The following EMSY variants were observed in gnomAD, a reference collection of about 807,000 sequenced individuals.
The protein encoded by EMSY is EMSY transcriptional repressor, BRCA2 interacting, also known as BRCA2-interacting transcriptional repressor EMSY.
Under a neutral mutation model 134.6 loss-of-function variants are expected in EMSY, and 26 were observed. The observed-to-expected ratio is 0.19, with a 90% CI of 0.14 to 0.27. The LOEUF (loss-of-function observed/expected upper bound fraction) is 0.27, where lower values mean the gene tolerates loss of function less well. Among genes scored for constraint, EMSY ranks in the 10% least tolerant of loss-of-function variants. The pLI, the probability that EMSY is intolerant of heterozygous loss-of-function variation, is 1.00. For synonymous variants in EMSY, 579 were observed against 577.8 expected (o/e 1.00, Z -0.03); for missense variants, 1,305 against 1,611.4 (o/e 0.81, Z 3.26).
At chr11:76,517,921 TC>T (rs1211370223) in intron 11 of EMSY, among the ~76,000 whole-genome samples, 3 of 151,974 alleles carry the variant, frequency 2.0e-5, no homozygotes, top group Non-Finnish European at 4.4e-5. Context: ...CCAAAGAACT[TC>T]TTCTGGTTGC....
chr11:76,499,582 C>T (rs139149848), intron 9 of EMSY, among the ~76,000 whole-genome samples: 22 of 152,096 alleles, frequency 1.4e-4, no homozygotes, highest in Middle Eastern at 3.4e-3. Flanking sequence ...CCACTGCGCC[C>T]GGCCCCAATC....
At chr11:76,533,754 A>T (rs534402993) in intron 14 of EMSY, among the ~76,000 whole-genome samples, 6 of 152,296 alleles carry the variant, frequency 3.9e-5, no homozygotes, top group African/African-American at 1.4e-4. Context: ...GCAGAAAGAC[A>T]TCTGAGGGAC....
At chr11:76,480,785 G>T (rs1254548888) in intron 8 of EMSY, among the ~76,000 whole-genome samples, 1 of 152,168 alleles carries the variant, frequency 6.6e-6, no homozygotes, top group Non-Finnish European at 1.5e-5. Flanking sequence ...AGCAGGGTGG[G>T]GTGTTGCCTC....
chr11:76,489,455 G>A (rs1949327333), intron 8 of EMSY, among the ~76,000 whole-genome samples: 1 of 151,212 alleles, frequency 6.6e-6, no homozygotes, highest in South Asian at 2.1e-4. Context: ...GGATTATTGT[G>A]TCTTCTTGAT....
In EMSY at chr11:76,514,670, A is replaced by G. The variant is rs139835180; in HGVS notation, c.1513+1135A>G. ...CTTAAGTACATTCACATTGTTGTAT[A>G]ACCATCAACACCATCTATCTCCAAA... On this transcript the variant is annotated intron_variant, in intron 10 of 20. Transcript: ENST00000334736. Among the ~76,000 whole-genome samples, 1,291 of 152,278 alleles carry G rather than the reference A, an allele frequency of 8.5e-3. 13 individuals carry two copies. The highest frequency in any genetic ancestry group is 0.017 in the Middle Eastern group (5 of 294).
chr11:76,512,467 G>T (rs1950311226), intron 9 of EMSY, among the ~76,000 whole-genome samples: 1 of 152,094 alleles, frequency 6.6e-6, no homozygotes. Flanking sequence ...TGCTGAAAAT[G>T]TCAAATCCTA....
At chr11:76,450,160 C>T (rs117935924) in intron 2 of EMSY, among the ~76,000 whole-genome samples, 2,250 of 151,928 alleles carry the variant, frequency 0.015, 19 homozygotes, top group Non-Finnish European at 0.024. Context: ...CACTTAACTC[C>T]CTGAGGGCAG....
intron 20 of EMSY, chr11:76,547,141 A>G (rs1951682736): frequency 2.2e-6 from 1 of 444,750 alleles, no homozygotes; most frequent in Non-Finnish European, 4.5e-6. Flanking sequence ...TCTTTGCTAA[A>G]CAGATATATA....
chr11:76,542,281 C>T lies in EMSY; in HGVS notation c.2623C>T (p.Gln875Ter), dbSNP rs1951466754. The T allele has an allele frequency of 6.2e-7, 1 of 1,614,088 alleles. No individual in the cohort carries two copies. Among genetic ancestry groups the T allele is most frequent in the Non-Finnish European group, 8.5e-7 (1 of 1,180,006 alleles). The change falls in exon 18 of 21, where the codon CAG becomes TAG. Residue 875 changes from glutamine to a stop codon, truncating the protein, a stop_gained. Coordinates refer to ENST00000334736, the Ensembl canonical transcript of EMSY. LOFTEE classifies it high-confidence loss of function. ...GCGGACCCTGCTCCAGCATGTGGCT[C>T]AGTCACAGACCGCAACACAGACTTC...
At chr11:76,465,371 G>A (rs566192062) in intron 7 of EMSY, among the ~76,000 whole-genome samples, 1 of 151,958 alleles carries the variant, frequency 6.6e-6, no homozygotes, top group Admixed American at 6.6e-5. Context: ...CTCTCTACCC[G>A]AGTTTTCTCG....
In EMSY at chr11:76,463,744, A is replaced by G. The variant is rs1343900652; in HGVS notation, c.572-77A>G. The G allele has an allele frequency of 4.7e-6, 7 of 1,478,276 alleles. No individual in the cohort carries two copies. In the African/African-American group the frequency reaches 5.6e-5, roughly 12 times the overall value. The allele number at this position is 1,478,276 out of a possible 1,614,324, so 91.6% of individuals were successfully genotyped here. A position where few individuals can be genotyped will look rare whatever the true frequency, so the allele number is the denominator to read the frequency against. Reference sequence around the variant, plus strand: ...AAGACAGAGAGAGGACAAGGATGATATAAAGATTTTAAAAATAAAGTGTAT... The same window carrying G: ...AAGACAGAGAGAGGACAAGGATGATGTAAAGATTTTAAAAATAAAGTGTAT... On this transcript the variant is annotated intron_variant, in intron 6 of 20. Coordinates refer to ENST00000334736, the Ensembl canonical transcript of EMSY.
intron 14 of EMSY, among the ~76,000 whole-genome samples, chr11:76,532,152 C>G (rs550989162): frequency 3.7e-4 from 57 of 152,190 alleles, no homozygotes; most frequent in Non-Finnish European, 6.2e-4. Flanking sequence ...TTCCACTAGG[C>G]TACTAGCTTC....
At position 76,538,001 on chromosome 11, in the gene EMSY, G is replaced by A. The variant is rs939764325; in HGVS notation, c.2515+51G>A. On this transcript the variant is annotated intron_variant, in intron 16 of 20. Coordinates refer to ENST00000334736, the Ensembl canonical transcript of EMSY. ...TTAAGGTAGGAGAACTACCTTCCTG[G>A]ATTTCATGGGATGATTGTGTGGGGG... The A allele has an allele frequency of 2.8e-6, 4 of 1,427,196 alleles. No individual in the cohort carries two copies. In the African/African-American group the frequency reaches 5.8e-5, roughly 21 times the overall value. 88.4% of individuals were successfully genotyped at this position (1,427,196 alleles called of 1,614,324 possible). A position where few individuals can be genotyped will look rare whatever the true frequency, so the allele number is the denominator to read the frequency against.
rs1951217275 is a variant in EMSY, at chr11:76,536,143, T to A, written c.2359+84T>A. ...AAAATACTACCACTGTTATTATTTA[T>A]TATTACTATTATTTATTATTATTAT... On this transcript the variant is annotated intron_variant, in intron 15 of 20. Coordinates refer to ENST00000334736, the Ensembl canonical transcript of EMSY. 3.6e-6 allele frequency: 3 copies of A among 843,858 alleles called. No homozygotes were observed. The South Asian group carries it at 1.6e-4, about 45-fold the overall frequency. The allele number at this position is 843,858 out of a possible 1,614,324, so 52.3% of individuals were successfully genotyped here.
intron 8 of EMSY, among the ~76,000 whole-genome samples, chr11:76,492,800 G>C (rs1949474605): frequency 1.3e-5 from 2 of 152,184 alleles, no homozygotes; most frequent in African/African-American, 4.8e-5. Flanking sequence ...ACCTAAGTGT[G>C]GGATAAAGTG....
chr11:76,545,782 C>G lies in EMSY; in HGVS notation c.3274-15C>G. On this transcript the variant is annotated splice_polypyrimidine_tract_variant and intron_variant, in intron 19 of 20. Coordinates refer to ENST00000334736, the Ensembl canonical transcript of EMSY. Reference sequence around the variant, plus strand: ...AGATGTAGCTATAACACACACAACCCCAATTTATTTTCAGGTGGAGCAGCC... The same window carrying G: ...AGATGTAGCTATAACACACACAACCGCAATTTATTTTCAGGTGGAGCAGCC... 1.3e-6 allele frequency: 2 copies of G among 1,587,464 alleles called. No individual in the cohort carries two copies. Among genetic ancestry groups the G allele is most frequent in the Non-Finnish European group, 1.7e-6 (2 of 1,167,572 alleles).
chr11:76,452,033 A>G (rs886177358), intron 3 of EMSY, 76 bp downstream of exon 3: 18 of 911,804 alleles, frequency 2.0e-5, no homozygotes, highest in Non-Finnish European at 2.7e-5. Flanking sequence ...CTCTCAAATT[A>G]AGTAACTGTC....
chr11:76,500,810 A>G (rs1308141223), intron 9 of EMSY, among the ~76,000 whole-genome samples: 1 of 152,220 alleles, frequency 6.6e-6, no homozygotes, highest in Non-Finnish European at 1.5e-5. Flanking sequence ...TGGAGAGGGA[A>G]TAAAAAGACT....
chr11:76,496,317 A>T, exon 9 of EMSY: 1 of 1,614,172 alleles, frequency 6.2e-7, no homozygotes, highest in Non-Finnish European at 8.5e-7. Flanking sequence ...CCTAAACAAC[A>T]TCAACAGTCT....
Sources: allele counts gnomAD v4.1 joint callset (sites outside exome capture counted in the v4.1 genomes callset), GRCh38; gene constraint gnomAD v4.1.1; transcripts MANE v1.5; gene names NCBI Gene and HGNC (gene_info 2026-07-23, HGNC 2026-07-21).